Variants in GALNT13 observed in about 807,000 individuals in gnomAD.
GALNT13 encodes UDP-GalNAc:polypeptide N-acetylgalactosaminyltransferase 13.
In GALNT13, 28 loss-of-function variants were observed where a neutral mutation model predicts 64.2. The ratio of observed to expected loss-of-function variants is 0.44; its 90% confidence interval spans 0.32 to 0.60. The LOEUF (loss-of-function observed/expected upper bound fraction) is 0.60, where lower values mean the gene tolerates loss of function less well. GALNT13 is among the 20% of genes least tolerant of loss of function. The probability of loss-of-function intolerance (pLI) is 0.05; values close to 1 mark genes in which losing one functional copy is unlikely to be tolerated. For missense variants in GALNT13, 577 were observed against 669.8 expected (o/e 0.86, Z 1.53); for synonymous variants, 214 against 224.6 (o/e 0.95, Z 0.42).
the GALNT13 span, among the ~76,000 whole-genome samples, chr2:153,550,952 G>A: frequency 2.6e-5 from 4 of 152,130 alleles, no homozygotes; most frequent in African/African-American, 9.7e-5. Flanking sequence ...GTCCAACAGT[G>A]ATAAATACTA....
At chr2:154,147,405 C>A (rs571989110) in intron 4 of GALNT13, among the ~76,000 whole-genome samples, 107 of 145,074 alleles carry the variant, frequency 7.4e-4, no homozygotes, top group African/African-American at 2.6e-3. Context: ...ATATATATCT[C>A]CTAGTATGTG....
the GALNT13 span, among the ~76,000 whole-genome samples, chr2:153,830,230 T>A: frequency 6.6e-6 from 1 of 152,170 alleles, no homozygotes; most frequent in African/African-American, 2.4e-5. Context: ...GCGTAATATT[T>A]CATCACATGG....
At chr2:154,273,535 A>G (rs1691468684) in intron 8 of GALNT13, among the ~76,000 whole-genome samples, 2 of 152,308 alleles carry the variant, frequency 1.3e-5, no homozygotes, top group African/African-American at 2.4e-5. Context: ...CACACACTAC[A>G]TAATTGTGTT....
At chr2:153,213,106 C>T in the GALNT13 span, among the ~76,000 whole-genome samples, 1 of 152,168 alleles carries the variant, frequency 6.6e-6, no homozygotes, top group Admixed American at 6.5e-5. Context: ...TTTGATTTTG[C>T]CCTATTTGCA....
intron 4 of GALNT13, among the ~76,000 whole-genome samples, chr2:154,157,050 T>A (rs1322981382): frequency 6.6e-6 from 1 of 152,158 alleles, no homozygotes; most frequent in Non-Finnish European, 1.5e-5. Context: ...ATATTTCCCT[T>A]GTCTATCCTG....
the GALNT13 span, among the ~76,000 whole-genome samples, chr2:153,206,198 G>A: frequency 6.6e-6 from 1 of 152,088 alleles, no homozygotes; most frequent in African/African-American, 2.4e-5. Context: ...TTGAGGGTTT[G>A]TTGTGATATT....
the GALNT13 span, among the ~76,000 whole-genome samples, chr2:153,435,523 TCTC>T: frequency 6.6e-6 from 1 of 151,586 alleles, no homozygotes; most frequent in African/African-American, 2.4e-5. Context: ...GGTTTGTAGT[TCTC>T]CTTGAAGAGG....
chr2:153,576,720 G>T, the GALNT13 span, among the ~76,000 whole-genome samples: 2 of 152,106 alleles, frequency 1.3e-5, no homozygotes, highest in African/African-American at 2.4e-5. Context: ...TACTAAGAGG[G>T]CTCCCCTGAT....
chr2:153,403,706 C>T, the GALNT13 span, among the ~76,000 whole-genome samples: 26 of 152,296 alleles, frequency 1.7e-4, no homozygotes, highest in African/African-American at 6.3e-4. Context: ...TGCTGTCCGT[C>T]ACCCCTTTTT....
chr2:153,419,519 GT>G, the GALNT13 span, among the ~76,000 whole-genome samples: 2 of 152,202 alleles, frequency 1.3e-5, no homozygotes, highest in East Asian at 3.9e-4. Flanking sequence ...AGAGGTGAAT[GT>G]TTTTTAGGGA....
the GALNT13 span, among the ~76,000 whole-genome samples, chr2:153,809,230 C>T: frequency 6.6e-6 from 1 of 152,162 alleles, no homozygotes; most frequent in South Asian, 2.1e-4. Context: ...AATATGCACA[C>T]ATTATTCGTT....
At chr2:153,900,491 C>G (rs760396879) in intron 1 of GALNT13, among the ~76,000 whole-genome samples, 13 of 152,110 alleles carry the variant, frequency 8.5e-5, no homozygotes, top group Non-Finnish European at 1.5e-4. Flanking sequence ...CTGGATAAAT[C>G]AAGCCAAATT....
At chr2:153,320,852 T>G in the GALNT13 span, among the ~76,000 whole-genome samples, 48 of 152,358 alleles carry the variant, frequency 3.2e-4, no homozygotes, top group Admixed American at 5.2e-4. Flanking sequence ...CTTTTCTGTT[T>G]GCAGATATTT....
At chr2:153,434,952 T>G in the GALNT13 span, among the ~76,000 whole-genome samples, 1,474 of 152,356 alleles carry the variant, frequency 9.7e-3, 13 homozygotes, top group Non-Finnish European at 0.017. Flanking sequence ...CTAGGGTTTT[T>G]ATGGTTTTAG....
At chr2:153,868,251 G>A (rs1335048910), upstream of GALNT13, among the ~76,000 whole-genome samples, 6 of 152,032 alleles carry the variant, frequency 3.9e-5, no homozygotes, top group African/African-American at 1.2e-4. Flanking sequence ...TTTTGTGCAG[G>A]CTGTCTTTAC....
At chr2:154,173,508 T>C (rs1314934033) in intron 4 of GALNT13, among the ~76,000 whole-genome samples, 2 of 151,946 alleles carry the variant, frequency 1.3e-5, no homozygotes, top group African/African-American at 2.4e-5. Context: ...ATTTTCTGTG[T>C]AAGACTTTGG....
chr2:153,518,430 T>C, the GALNT13 span, among the ~76,000 whole-genome samples: 1 of 152,004 alleles, frequency 6.6e-6, no homozygotes, highest in African/African-American at 2.4e-5. Flanking sequence ...AATGAATAAG[T>C]GGAGAAACAA....
intron 3 of GALNT13, among the ~76,000 whole-genome samples, chr2:153,989,861 A>G (rs905488638): frequency 2.0e-5 from 3 of 152,092 alleles, no homozygotes; most frequent in African/African-American, 7.2e-5. Flanking sequence ...TGGGTATAGA[A>G]AAGTCCAGAG....
chr2:154,213,407 G>A (rs75429836), intron 4 of GALNT13, among the ~76,000 whole-genome samples: 4 of 152,022 alleles, frequency 2.6e-5, no homozygotes, highest in Non-Finnish European at 5.9e-5. Flanking sequence ...AAGTTAAGGT[G>A]GTCAAATGAC....
Sources: allele counts gnomAD v4.1 joint callset (sites outside exome capture counted in the v4.1 genomes callset), GRCh38; gene constraint gnomAD v4.1.1; transcripts MANE v1.5; gene names NCBI Gene and HGNC (gene_info 2026-07-23, HGNC 2026-07-21).